Variants in HERPUD2 observed in about 807,000 individuals in gnomAD.
The protein encoded by HERPUD2 is HERPUD family member 2, also known as homocysteine-responsive endoplasmic reticulum-resident ubiquitin-like domain member 2 protein.
A neutral mutation model predicts 49.9 loss-of-function variants in HERPUD2; 13 were observed. That is an observed-to-expected ratio of 0.26 (90% CI 0.17 to 0.41). The LOEUF is 0.41. Among genes scored for constraint, HERPUD2 ranks in the 10% least tolerant of loss-of-function variants. HERPUD2 has a pLI of 1.00. For missense variants in HERPUD2, 449 were observed against 492.2 expected (o/e 0.91, Z 0.83); for synonymous variants, 172 against 171.4 (o/e 1.00, Z -0.03).
intron 4 of HERPUD2, among the ~76,000 whole-genome samples, chr7:35,668,387 C>T (rs1288950789): frequency 2.0e-5 from 3 of 152,112 alleles, no homozygotes; most frequent in Non-Finnish European, 2.9e-5. Context: ...CCCTGAAGAC[C>T]ATCCCAATTT....
intron 2 of HERPUD2, among the ~76,000 whole-genome samples, chr7:35,674,402 TATAGAGAG>T (rs1172287196): frequency 1.7e-4 from 9 of 54,442 alleles, no homozygotes; most frequent in South Asian, 7.6e-4. Context: ...TATATATATA[TATAGAGAG>T]AGAGAGAGAG....
chr7:35,651,257 C>T (rs913214956), intron 5 of HERPUD2, among the ~76,000 whole-genome samples: 1 of 152,036 alleles, frequency 6.6e-6, no homozygotes, highest in Non-Finnish European at 1.5e-5. Flanking sequence ...TCCAAACAAG[C>T]TGACTGGAGG....
intron 2 of HERPUD2, among the ~76,000 whole-genome samples, chr7:35,687,662 T>C (rs971097169): frequency 6.6e-6 from 1 of 152,232 alleles, no homozygotes; most frequent in African/African-American, 2.4e-5. Context: ...AGTCCTAACC[T>C]GGACTTTTTT....
At chr7:35,654,752 T>G (rs1437042557) in intron 5 of HERPUD2, among the ~76,000 whole-genome samples, 1 of 151,734 alleles carries the variant, frequency 6.6e-6, no homozygotes, top group Non-Finnish European at 1.5e-5. Flanking sequence ...CTTGGCTGAC[T>G]GCAACCTCCA....
intron 2 of HERPUD2, among the ~76,000 whole-genome samples, chr7:35,677,992 G>C (rs10248636): frequency 0.3 from 45,358 of 152,000 alleles, 7,807 homozygotes; most frequent in Non-Finnish European, 0.38. Context: ...CATAACAACG[G>C]AAATGCACAT....
At chr7:35,691,694 T>C (rs1786192202) in intron 2 of HERPUD2, among the ~76,000 whole-genome samples, 1 of 152,342 alleles carries the variant, frequency 6.6e-6, no homozygotes. Flanking sequence ...TGTTTAGTCA[T>C]TGCAGGCGGT....
At chr7:35,657,536 C>T (rs1243317433) in intron 5 of HERPUD2, among the ~76,000 whole-genome samples, 5 of 146,200 alleles carry the variant, frequency 3.4e-5, no homozygotes, top group Non-Finnish European at 7.4e-5. Context: ...GTGGGAGAAT[C>T]GCTTGAGCCC....
intron 5 of HERPUD2, among the ~76,000 whole-genome samples, chr7:35,660,566 C>T (rs1488160771): frequency 6.6e-6 from 1 of 152,136 alleles, no homozygotes; most frequent in African/African-American, 2.4e-5. Flanking sequence ...TAATGATCGC[C>T]ATTCTAACTG....
At chr7:35,677,366 A>G (rs1431096488) in intron 2 of HERPUD2, among the ~76,000 whole-genome samples, 1 of 152,202 alleles carries the variant, frequency 6.6e-6, no homozygotes, top group Non-Finnish European at 1.5e-5. Context: ...TAGTTTGTTA[A>G]TGGATATTTG....
chr7:35,640,845 A>G (rs1273086351), intron 5 of HERPUD2, among the ~76,000 whole-genome samples: 1 of 152,174 alleles, frequency 6.6e-6, no homozygotes, highest in African/African-American at 2.4e-5. Flanking sequence ...TGCTAGGGAA[A>G]AAGATGATCA....
At chr7:35,692,573 C>T (rs904506519) in intron 2 of HERPUD2, among the ~76,000 whole-genome samples, 14 of 152,168 alleles carry the variant, frequency 9.2e-5, no homozygotes, top group Admixed American at 3.9e-4. Context: ...CTGTGTAAAT[C>T]TTAACTTTCA....
At chr7:35,651,122 C>T (rs1583545876) in intron 5 of HERPUD2, among the ~76,000 whole-genome samples, 1 of 152,226 alleles carries the variant, frequency 6.6e-6, no homozygotes, top group Admixed American at 6.5e-5. Context: ...ACCAACACCA[C>T]CACAGACTGC....
At chr7:35,673,099 T>C in intron 3 of HERPUD2, 102 bp downstream of exon 3, 2 of 793,126 alleles carry the variant, frequency 2.5e-6, no homozygotes, top group Non-Finnish European at 4.2e-6. Context: ...AAGGGATTGA[T>C]TTTAAGTATC....
Position 35,643,488 on chromosome 7 carries a change from A to G in HERPUD2, c.495-5016T>C, listed in dbSNP as rs573548483. On this transcript the variant is annotated intron_variant, in intron 5 of 8. Coordinates refer to ENST00000311350, the MANE Select transcript of HERPUD2 (RefSeq NM_022373.5). Reference sequence around the variant, plus strand: ...GGAATGAAGATCTCTCTCTACTCCTATGGAGTGACTTCTTAGATATTTACA... The same window carrying G: ...GGAATGAAGATCTCTCTCTACTCCTGTGGAGTGACTTCTTAGATATTTACA... Among the ~76,000 whole-genome samples the G allele has an allele frequency of 3.4e-3, 516 of 152,286 alleles. 3 individuals carry two copies. Among genetic ancestry groups the G allele is most frequent in the African/African-American group, 0.012 (486 of 41,570 alleles).
intron 5 of HERPUD2, among the ~76,000 whole-genome samples, chr7:35,640,852 A>G (rs1215039462): frequency 2.0e-5 from 3 of 152,182 alleles, no homozygotes; most frequent in African/African-American, 7.2e-5. Flanking sequence ...GAAAAAGATG[A>G]TCAAATCTGT....
chr7:35,670,976 A>G (rs557920019), intron 3 of HERPUD2, among the ~76,000 whole-genome samples: 17 of 152,216 alleles, frequency 1.1e-4, no homozygotes, highest in Middle Eastern at 3.4e-3. Context: ...ATACTTAGAC[A>G]TAAAGCCAGC....
intron 2 of HERPUD2, among the ~76,000 whole-genome samples, chr7:35,687,332 C>T (rs1224482926): frequency 6.6e-6 from 1 of 152,126 alleles, no homozygotes; most frequent in East Asian, 1.9e-4. Flanking sequence ...TCTCCATTAC[C>T]ACCACCACTA....
intron 5 of HERPUD2, among the ~76,000 whole-genome samples, chr7:35,640,824 C>A (rs1784957231): frequency 6.6e-6 from 1 of 152,106 alleles, no homozygotes; most frequent in Non-Finnish European, 1.5e-5. Flanking sequence ...TTAAAGAGAA[C>A]TGTTATTTAA....
intron 5 of HERPUD2, 93 bp from the exon 6 acceptor site, chr7:35,638,565 C>G: frequency 8.3e-7 from 1 of 1,207,864 alleles, no homozygotes; most frequent in Admixed American, 2.4e-5. Context: ...CAACCATTGA[C>G]AGAATATATT....
Sources: allele counts gnomAD v4.1 joint callset (sites outside exome capture counted in the v4.1 genomes callset), GRCh38; gene constraint gnomAD v4.1.1; transcripts MANE v1.5; gene names NCBI Gene and HGNC (gene_info 2026-07-23, HGNC 2026-07-21).